WFDC8: variants seen among roughly 807,000 people sequenced by gnomAD.
WFDC8 encodes WAP four-disulfide core domain 8, also known as WAP four-disulfide core domain protein 8.
Under a neutral mutation model 27.0 loss-of-function variants are expected in WFDC8, and 24 were observed. The ratio of observed to expected loss-of-function variants is 0.89; its 90% confidence interval spans 0.64 to 1.25. The LOEUF (loss-of-function observed/expected upper bound fraction) is 1.25. Ranked by LOEUF, WFDC8 falls within the 50% of genes most tolerant of loss-of-function variation. The probability of loss-of-function intolerance (pLI) is 0.00; values close to 1 mark genes in which losing one functional copy is unlikely to be tolerated. For missense variants in WFDC8, 287 were observed against 295.9 expected (o/e 0.97, Z 0.22); for synonymous variants, 106 against 99.7 (o/e 1.06, Z -0.38).
chr20:45,571,475 A>C (rs372335409), intron 1 of WFDC8, among the ~76,000 whole-genome samples: 44 of 152,340 alleles, frequency 2.9e-4, no homozygotes, highest in Non-Finnish European at 3.2e-4. Flanking sequence ...GATACTTATC[A>C]TTTTTTAAAT....
In WFDC8 at chr20:45,579,208, G is replaced by A. The variant is rs779238926; in HGVS notation, c.26+14C>T. On this transcript the variant is annotated intron_variant, in intron 1 of 5. Transcript: ENST00000289953. ...CCATGTCTGGCTACCCACCCCCATA[G>A]ACACCCTCCTCACCCTCCTTCAGTT... is the stretch of plus-strand genomic sequence containing the variant. 1.2e-6 allele frequency: 2 copies of A among 1,613,436 alleles called. No homozygotes were observed. The highest frequency in any genetic ancestry group is 8.5e-7 in the Non-Finnish European group (1 of 1,179,688).
At chr20:45,573,949 G>A (rs1196498367) in intron 1 of WFDC8, among the ~76,000 whole-genome samples, 1 of 152,168 alleles carries the variant, frequency 6.6e-6, no homozygotes, top group Non-Finnish European at 1.5e-5. Flanking sequence ...ATCAGGTAGT[G>A]TGATGCCTCC....
At chr20:45,567,046 AT>A (rs1980704056) in intron 1 of WFDC8, among the ~76,000 whole-genome samples, 1 of 151,660 alleles carries the variant, frequency 6.6e-6, no homozygotes, top group South Asian at 2.1e-4. Context: ...TTGTTGTGTT[AT>A]TTTTTATTGT....
intron 1 of WFDC8, 137 bp from the exon 2 acceptor site, chr20:45,562,356 G>T: frequency 2.9e-6 from 2 of 691,046 alleles, no homozygotes; most frequent in Non-Finnish European, 5.1e-6. Flanking sequence ...CATGGGGAAG[G>T]AGTCTGTCTG....
chr20:45,555,453 T>C (rs1980203982), intron 4 of WFDC8, among the ~76,000 whole-genome samples: 1 of 152,190 alleles, frequency 6.6e-6, no homozygotes, highest in Non-Finnish European at 1.5e-5. Context: ...TATTAACATT[T>C]TCTATACACT....
chr20:45,554,901 G>A (rs989624759), intron 4 of WFDC8, among the ~76,000 whole-genome samples: 2 of 152,136 alleles, frequency 1.3e-5, no homozygotes, highest in African/African-American at 4.8e-5. Context: ...ACATTTTTCA[G>A]CTTGCCTCAC....
chr20:45,562,570 G>A (rs1438667953), intron 1 of WFDC8, among the ~76,000 whole-genome samples: 1 of 152,190 alleles, frequency 6.6e-6, no homozygotes, highest in Non-Finnish European at 1.5e-5. Context: ...CACTCCAGGG[G>A]CAACCCCAGA....
chr20:45,557,748 A>G (rs6104218), intron 3 of WFDC8, among the ~76,000 whole-genome samples: 58,768 of 152,020 alleles, frequency 0.39, 11,841 homozygotes, highest in Non-Finnish European at 0.43. Context: ...AGATGTGTTT[A>G]AGCCTAGTTA....
chr20:45,566,393 G>A (rs1461399850), intron 1 of WFDC8, among the ~76,000 whole-genome samples: 1 of 152,066 alleles, frequency 6.6e-6, no homozygotes, highest in Non-Finnish European at 1.5e-5. Context: ...CAGGTGCAGT[G>A]GCTCATGCCT....
At chr20:45,555,667 C>T in intron 4 of WFDC8, 34 bp downstream of exon 4, 1 of 1,610,112 alleles carries the variant, frequency 6.2e-7, no homozygotes, top group Non-Finnish European at 8.5e-7. Flanking sequence ...TCTAGTTAAA[C>T]TAGACCCTCA....
chr20:45,557,524 C>A (rs892348566), intron 3 of WFDC8, among the ~76,000 whole-genome samples: 1 of 152,100 alleles, frequency 6.6e-6, no homozygotes, highest in South Asian at 2.1e-4. Flanking sequence ...CCTCTGCCTC[C>A]CGAGTTCAAG....
intron 1 of WFDC8, among the ~76,000 whole-genome samples, chr20:45,571,238 G>A (rs1600898729): frequency 1.3e-5 from 2 of 152,000 alleles, no homozygotes; most frequent in East Asian, 3.9e-4. Context: ...AACTTGAAAT[G>A]GATCATTGGT....
intron 2 of WFDC8, among the ~76,000 whole-genome samples, chr20:45,561,341 G>A (rs931893208): frequency 1.8e-4 from 28 of 151,880 alleles, no homozygotes; most frequent in Non-Finnish European, 5.9e-5. Flanking sequence ...CTTTTATTTC[G>A]ACCTGCCTGG....
At chr20:45,558,053 T>C (rs1285105554) in intron 3 of WFDC8, among the ~76,000 whole-genome samples, 1 of 152,106 alleles carries the variant, frequency 6.6e-6, no homozygotes, top group Non-Finnish European at 1.5e-5. Flanking sequence ...TAAGCTAACG[T>C]GAGTGACTTA....
chr20:45,565,036 GAAGA>G (rs755198793), intron 1 of WFDC8, among the ~76,000 whole-genome samples: 20 of 110,760 alleles, frequency 1.8e-4, no homozygotes, highest in Non-Finnish European at 3.5e-4. Flanking sequence ...AAGGAAGGAA[GAAGA>G]AAGGAAGGAA....
At chr20:45,567,269 A>C (rs1980711042) in intron 1 of WFDC8, among the ~76,000 whole-genome samples, 1 of 152,196 alleles carries the variant, frequency 6.6e-6, no homozygotes, top group South Asian at 2.1e-4. Context: ...GCCTCCAAAC[A>C]AGTTACTATG....
chr20:45,573,255 G>A lies in WFDC8; in HGVS notation c.26+5967C>T, dbSNP rs78290440. Among the ~76,000 whole-genome samples, 773 of 152,270 alleles carry A rather than the reference G, an allele frequency of 5.1e-3. 11 individuals are homozygous for A. The East Asian group carries it at 0.053, about 11-fold the overall frequency. ...TCAGAGTTTTATAGTTTCAGCCATT[G>A]CAGTTAGATCTTTTGTCCATTTTGA... On this transcript the variant is annotated intron_variant, in intron 1 of 5. Transcript: ENST00000289953.
intron 1 of WFDC8, among the ~76,000 whole-genome samples, chr20:45,565,915 TA>T (rs200320657): frequency 0.019 from 2,902 of 151,848 alleles, 108 homozygotes; most frequent in Admixed American, 0.099. Context: ...TTTTAAAAAA[TA>T]TATTTAAAGT....
chr20:45,576,608 G>C (rs1483316620), intron 1 of WFDC8, among the ~76,000 whole-genome samples: 2 of 151,122 alleles, frequency 1.3e-5, no homozygotes, highest in African/African-American at 4.8e-5. Flanking sequence ...ATGTTGCCTA[G>C]GCTGGTCTTG....
Sources: gnomAD v4.1 joint callset for allele counts (sites outside exome capture counted in the v4.1 genomes callset) on GRCh38, gnomAD v4.1.1 for gene constraint, MANE v1.5 for transcripts, NCBI Gene and HGNC (gene_info 2026-07-23, HGNC 2026-07-21) for gene names.